The following PLCB4 variants were observed in gnomAD, a reference collection of about 807,000 sequenced individuals.
The protein encoded by PLCB4 is 1-phosphatidylinositol 4,5-bisphosphate phosphodiesterase beta-4.
In PLCB4, 77 loss-of-function variants were observed where a neutral mutation model predicts 178.8. The observed-to-expected ratio is 0.43, with a 90% CI of 0.36 to 0.52. PLCB4 has a LOEUF of 0.52. Among genes scored for constraint, PLCB4 ranks in the 20% least tolerant of loss-of-function variants. PLCB4 has a pLI of 0.00. For missense variants in PLCB4, 1,024 were observed against 1,453.4 expected, an observed-to-expected ratio of 0.70 and a Z score of 4.80; for synonymous variants, 496 against 490.8, an observed-to-expected ratio of 1.01 and a Z score of -0.14.
intron 2 of PLCB4, among the ~76,000 whole-genome samples, chr20:9,169,450 C>T (rs1487211389): frequency 2.7e-5 from 4 of 150,886 alleles, no homozygotes; most frequent in Non-Finnish European, 4.4e-5. Context: ...ATTAGCCCGG[C>T]GTGGTGGTGC....
Position 9,365,527 on chromosome 20 carries a change from T to A in PLCB4, c.503+13T>A, listed in dbSNP as rs367987278. On this transcript the variant is annotated intron_variant, in intron 9 of 39. Transcript: ENST00000378473. Reference sequence around the variant, plus strand: ...TTCCAGTTAGGAGGTAAGTAATCATTCCTATCTGCTGTCCGTGTCCCGGGT... The same window carrying A: ...TTCCAGTTAGGAGGTAAGTAATCATACCTATCTGCTGTCCGTGTCCCGGGT... 1.3e-4 allele frequency: 200 copies of A among 1,555,272 alleles called. No homozygotes were observed. Among genetic ancestry groups the A allele is most frequent in the Non-Finnish European group, 1.6e-4 (185 of 1,127,268 alleles).
intron 3 of PLCB4, among the ~76,000 whole-genome samples, chr20:9,241,018 C>T (rs1601386350): frequency 6.6e-6 from 1 of 152,112 alleles, no homozygotes; most frequent in Non-Finnish European, 1.5e-5. Context: ...TTCTTCAATT[C>T]TCTGTCTCCA....
chr20:9,075,866 A>G (rs1443654798), intron 1 of PLCB4, among the ~76,000 whole-genome samples: 3 of 152,240 alleles, frequency 2.0e-5, no homozygotes, highest in African/African-American at 7.2e-5. Context: ...GTGTGGCCAA[A>G]CAAAGCATGT....
chr20:9,098,797 A>G (rs1300951216), intron 2 of PLCB4, among the ~76,000 whole-genome samples: 2 of 144,444 alleles, frequency 1.4e-5, no homozygotes, highest in Non-Finnish European at 3.0e-5. Context: ...TACATGAGAC[A>G]TCCTTGGAAT....
intron 2 of PLCB4, among the ~76,000 whole-genome samples, chr20:9,151,195 T>C (rs998507100): frequency 6.6e-5 from 10 of 152,084 alleles, no homozygotes; most frequent in African/African-American, 2.4e-4. Flanking sequence ...TTGTATTGGG[T>C]ATTATAAGTA....
chr20:9,239,768 A>G lies in PLCB4; in HGVS notation c.-16+22316A>G, dbSNP rs544033036. Reference sequence around the variant, plus strand: ...CAAGGAAGCCAGTCTGAGTCTCAAAACCTCAAAAGTAGGGAAGCTGACAGT... The same window carrying G: ...CAAGGAAGCCAGTCTGAGTCTCAAAGCCTCAAAAGTAGGGAAGCTGACAGT... On this transcript the variant is annotated intron_variant, in intron 3 of 39. Coordinates refer to ENST00000378473, the MANE Select transcript of PLCB4 (RefSeq NM_001377142.1). Among the ~76,000 whole-genome samples, 9 of 152,216 alleles carry G rather than the reference A, an allele frequency of 5.9e-5. No homozygotes were observed. The South Asian group carries it at 1.9e-3, about 32-fold the overall frequency.
chr20:9,251,515 G>A (rs1288483724), intron 3 of PLCB4, among the ~76,000 whole-genome samples: 3 of 152,184 alleles, frequency 2.0e-5, no homozygotes, highest in Admixed American at 2.0e-4. Flanking sequence ...GGACCTGGAT[G>A]CTTGTCTCCT....
chr20:9,163,973 C>T (rs1024912265), intron 2 of PLCB4, among the ~76,000 whole-genome samples: 5 of 152,030 alleles, frequency 3.3e-5, no homozygotes, highest in African/African-American at 1.2e-4. Flanking sequence ...AACTATTTTG[C>T]GTGAGTCATC....
chr20:9,298,248 T>C (rs2076002245), intron 3 of PLCB4, among the ~76,000 whole-genome samples: 1 of 152,132 alleles, frequency 6.6e-6, no homozygotes, highest in African/African-American at 2.4e-5. Flanking sequence ...TCTATATGAC[T>C]ATCCATTCTT....
chr20:9,185,849 G>A (rs568283080), intron 2 of PLCB4, among the ~76,000 whole-genome samples: 23 of 152,152 alleles, frequency 1.5e-4, no homozygotes, highest in African/African-American at 5.5e-4. Context: ...CATCCACATG[G>A]CTAAATCTCT....
chr20:9,151,263 T>C (rs1321896562), intron 2 of PLCB4, among the ~76,000 whole-genome samples: 1 of 152,226 alleles, frequency 6.6e-6, no homozygotes, highest in African/African-American at 2.4e-5. Context: ...ACAAATATTA[T>C]GCCATTTTAT....
intron 2 of PLCB4, among the ~76,000 whole-genome samples, chr20:9,138,590 C>T (rs867800050): frequency 6.6e-6 from 1 of 152,022 alleles, no homozygotes; most frequent in Non-Finnish European, 1.5e-5. Flanking sequence ...CTTCTATCAC[C>T]ATAGAATTAC....
chr20:9,087,339 A>G (rs2146547149), intron 1 of PLCB4, among the ~76,000 whole-genome samples: 1 of 152,356 alleles, frequency 6.6e-6, no homozygotes, highest in Admixed American at 6.5e-5. Flanking sequence ...TAGGTTGTAT[A>G]CATAGTATAA....
intron 4 of PLCB4, among the ~76,000 whole-genome samples, chr20:9,336,669 C>A (rs1311434209): frequency 6.8e-6 from 1 of 147,906 alleles, no homozygotes; most frequent in Non-Finnish European, 1.5e-5. Flanking sequence ...TACAGGACAC[C>A]AAATGAGGTT....
Position 9,167,400 on chromosome 20 carries a change from G to A in PLCB4, c.-78-49990G>A, listed in dbSNP as rs558323694. On this transcript the variant is annotated intron_variant, in intron 2 of 39. Coordinates refer to ENST00000378473, the MANE Select transcript of PLCB4 (RefSeq NM_001377142.1). ...AATTCATTTTTCTTTTTCATAATTAGTAATGAAAATATGGGACATATTTCA... is the reference window on the plus strand; with the variant it reads ...AATTCATTTTTCTTTTTCATAATTAATAATGAAAATATGGGACATATTTCA... 4.6e-5 allele frequency among the ~76,000 whole-genome samples: 7 copies of A among 152,160 alleles called. No individual in the cohort carries two copies. In the South Asian group the frequency reaches 1.2e-3, roughly 27 times the overall value.
At chr20:9,451,479 A>G (rs1320475031) in intron 32 of PLCB4, among the ~76,000 whole-genome samples, 1 of 152,206 alleles carries the variant, frequency 6.6e-6, no homozygotes, top group Non-Finnish European at 1.5e-5. Flanking sequence ...GGAAAAATTA[A>G]CACATGGGTT....
intron 3 of PLCB4, among the ~76,000 whole-genome samples, chr20:9,242,890 T>C (rs2094081670): frequency 6.6e-6 from 1 of 152,160 alleles, no homozygotes; most frequent in Non-Finnish European, 1.5e-5. Context: ...TGATGCGTGC[T>C]CAATTTGGAG....
At chr20:9,338,606 G>C (rs970928469) in intron 6 of PLCB4, among the ~76,000 whole-genome samples, 3 of 152,158 alleles carry the variant, frequency 2.0e-5, no homozygotes, top group African/African-American at 7.2e-5. Flanking sequence ...GAGCCTGGGA[G>C]GCAGATGTTG....
intron 2 of PLCB4, among the ~76,000 whole-genome samples, chr20:9,100,715 T>G (rs1351541238): frequency 6.6e-6 from 1 of 152,202 alleles, no homozygotes; most frequent in Non-Finnish European, 1.5e-5. Flanking sequence ...ATCACTCTTT[T>G]TCTGATTCCT....
Sources: allele counts gnomAD v4.1 joint callset (sites outside exome capture counted in the v4.1 genomes callset), GRCh38; gene constraint gnomAD v4.1.1; transcripts MANE v1.5; gene names NCBI Gene and HGNC (gene_info 2026-07-23, HGNC 2026-07-21).